TCERG1: variants seen among roughly 807,000 people sequenced by gnomAD.
TCERG1 encodes the protein TATA box binding protein (TBP)-associated factor, RNA polymerase II, S, 150kD.
TCERG1 carries 37 observed loss-of-function variants against 144.7 expected under a neutral mutation model. That is an observed-to-expected ratio of 0.26 (90% confidence interval 0.20 to 0.34). The LOEUF (loss-of-function observed/expected upper bound fraction) is 0.34. Ranked by LOEUF, TCERG1 falls within the 10% of genes least tolerant of loss-of-function variation. TCERG1 has a pLI of 1.00. For missense variants in TCERG1, 1,027 were observed against 1,380.7 expected (o/e 0.74, Z 4.06); for synonymous variants, 492 against 458.2 (o/e 1.07, Z -0.94).
chr5:146,495,498 T>C (rs541595376), intron 16 of TCERG1, among the ~76,000 whole-genome samples: 9 of 152,382 alleles, frequency 5.9e-5, no homozygotes, highest in African/African-American at 1.7e-4. Flanking sequence ...ATTATTGTTA[T>C]GTATCTGTTG....
intron 16 of TCERG1, among the ~76,000 whole-genome samples, chr5:146,496,321 A>G (rs1224157135): frequency 6.6e-6 from 1 of 151,960 alleles, no homozygotes; most frequent in Non-Finnish European, 1.5e-5. Context: ...TTTGGCTAGT[A>G]TTTTTTCTGC....
intron 15 of TCERG1, among the ~76,000 whole-genome samples, chr5:146,492,310 A>G (rs1206607947): frequency 1.3e-5 from 2 of 152,094 alleles, no homozygotes. Flanking sequence ...TATCTGTCAC[A>G]TCCTTTTCCA....
intron 10 of TCERG1, among the ~76,000 whole-genome samples, chr5:146,479,263 G>C (rs1364802262): frequency 2.6e-5 from 4 of 151,894 alleles, no homozygotes; most frequent in Non-Finnish European, 4.4e-5. Flanking sequence ...GCCCGCAAGT[G>C]GTATAGAAGC....
intron 9 of TCERG1, 50 bp downstream of exon 9, chr5:146,471,626 T>C: frequency 1.3e-6 from 2 of 1,490,206 alleles, no homozygotes; most frequent in Non-Finnish European, 1.8e-6. Context: ...TGAGACGGAG[T>C]CTCACTCTGT....
rs1434469638 is a variant in TCERG1 at position 146,506,983 on chromosome 5, C to T, written c.2782-45C>T. 3 of 1,460,966 alleles carry T rather than the reference C, an allele frequency of 2.1e-6. No homozygotes were observed. The African/African-American group carries it at 4.3e-5, about 21-fold the overall frequency. The allele number at this position is 1,460,966 out of a possible 1,614,324, so 90.5% of individuals were successfully genotyped here. ...GGACATGGAAGTGCAAATGGACATTCAGATAAGTCTCTTTGGTGATATATA... is the reference window on the plus strand; with the variant it reads ...GGACATGGAAGTGCAAATGGACATTTAGATAAGTCTCTTTGGTGATATATA... On this transcript the variant is annotated intron_variant, in intron 19 of 22. Transcript: ENST00000679501.
At chr5:146,457,092 C>A in intron 2 of TCERG1, 91 bp from the exon 3 acceptor site, 1 of 1,505,466 alleles carries the variant, frequency 6.6e-7, no homozygotes, top group Admixed American at 2.0e-5. Flanking sequence ...AAACTAGTTT[C>A]TCTTACAGTG....
intron 13 of TCERG1, chr5:146,481,596 T>A (rs535717368): frequency 1.3e-5 from 2 of 152,296 alleles, no homozygotes; most frequent in South Asian, 4.1e-4. Context: ...TACAGTTTCC[T>A]GTATAGCATG....
intron 16 of TCERG1, among the ~76,000 whole-genome samples, chr5:146,496,805 T>C (rs1325719955): frequency 6.6e-6 from 1 of 151,482 alleles, no homozygotes; most frequent in Non-Finnish European, 1.5e-5. Flanking sequence ...GCTGAGAATA[T>C]ATGCGTGTGC....
rs915277096 is a variant in TCERG1 at position 146,480,085 on chromosome 5, A to G, written c.1877A>G (p.Lys626Arg). The change falls in exon 12 of 23, where the codon AAA (lysine) becomes AGA (arginine). Residue 626 changes from lysine to arginine, a missense_variant. Coordinates refer to ENST00000679501, the MANE Select transcript of TCERG1 (RefSeq NM_001382548.1). The stretch of plus-strand genomic sequence containing the variant: ...AATGAAGATGAGCCTGTTAAAGCAA[A>G]AAAACGGAAGTAAGTAATACATACG... Reference protein sequence around the residue: ...EINEDEPVKAKKRKRMSKKSF... With the variant: ...EINEDEPVKARKRKRMSKKSF... 1.3e-6 allele frequency: 2 copies of G among 1,596,314 alleles called. No individual in the cohort carries two copies. The highest frequency in any genetic ancestry group is 2.7e-5 in the African/African-American group (2 of 73,872).
chr5:146,474,615 A>T (rs931346929), intron 9 of TCERG1, among the ~76,000 whole-genome samples: 2 of 152,150 alleles, frequency 1.3e-5, no homozygotes, highest in African/African-American at 4.8e-5. Flanking sequence ...GTCAATTGAT[A>T]TAGAAAACTT....
chr5:146,482,421 T>G, intron 13 of TCERG1, 171 bp from the exon 14 acceptor site: 1 of 478,864 alleles, frequency 2.1e-6, no homozygotes, highest in Non-Finnish European at 3.6e-6. Context: ...TTTGTTATTA[T>G]GAAAGTTATT....
At chr5:146,495,503 CTG>C (rs1481988018) in intron 16 of TCERG1, among the ~76,000 whole-genome samples, 3 of 152,130 alleles carry the variant, frequency 2.0e-5, no homozygotes, top group East Asian at 1.9e-4. Flanking sequence ...TGTTATGTAT[CTG>C]TTGTTCAAAC....
At chr5:146,510,318 T>TAAA (rs546570760) in intron 22 of TCERG1, 123 bp from the exon 23 acceptor site, 615 of 549,878 alleles carry the variant, frequency 1.1e-3, no homozygotes, top group Middle Eastern at 2.1e-3. Context: ...AAATTTTTCT[T>TAAA]AAAAAAAAAA....
At chr5:146,502,459 A>G (rs369121221) in intron 17 of TCERG1, among the ~76,000 whole-genome samples, 7 of 152,280 alleles carry the variant, frequency 4.6e-5, no homozygotes, top group African/African-American at 1.7e-4. Flanking sequence ...TTTTAAAACA[A>G]TTAGGCCCTC....
Position 146,479,869 on chromosome 5 carries a change from A to G in TCERG1, c.1777A>G (p.Thr593Ala), listed in dbSNP as rs1378159728. The G allele has an allele frequency of 6.2e-7, 1 of 1,613,572 alleles. No individual in the cohort carries two copies. The highest frequency in any genetic ancestry group is 1.1e-5 in the South Asian group (1 of 91,048). Residue 593 changes from threonine to alanine, a missense_variant, in exon 11 of 23, where the codon ACA (threonine) becomes GCA (alanine). By Grantham distance (58) the Thr-to-Ala change is moderately conservative (BLOSUM62 0). This residue lies in a region of TCERG1 where 482 missense variants were observed against 632.6 expected (regional missense o/e 0.76). Transcript: ENST00000679501. Reference protein sequence around the residue: ...ELKKLRHPTPTMLSIQKWQFS... With the variant: ...ELKKLRHPTPAMLSIQKWQFS... ...GTTTTTGCCAGGGCACCCAACTCCG[A>G]CAATGCTGTCGATCCAAAAGTGGCA...
chr5:146,456,907 C>A (rs1762876833), intron 2 of TCERG1, among the ~76,000 whole-genome samples: 2 of 152,130 alleles, frequency 1.3e-5, no homozygotes, highest in African/African-American at 4.8e-5. Context: ...TAATCCAGCG[C>A]CCTGTGTGTG....
intron 5 of TCERG1, among the ~76,000 whole-genome samples, chr5:146,467,032 A>C (rs1039432574): frequency 3.9e-5 from 6 of 152,196 alleles, no homozygotes; most frequent in Admixed American, 3.9e-4. Context: ...CTTTCTTTCA[A>C]CATTAGGGAA....
At chr5:146,450,786 T>C (rs1465858903) in intron 1 of TCERG1, among the ~76,000 whole-genome samples, 1 of 152,224 alleles carries the variant, frequency 6.6e-6, no homozygotes, top group Non-Finnish European at 1.5e-5. Flanking sequence ...CCATAACAAA[T>C]TAATAATGAA....
In TCERG1 at chr5:146,483,588, G is replaced by A; in HGVS notation, c.2122G>A (p.Asp708Asn). 6.2e-7 allele frequency: 1 copy of A among 1,612,632 alleles called. No individual in the cohort carries two copies. The highest frequency in any genetic ancestry group is 8.5e-7 in the Non-Finnish European group (1 of 1,179,182). The part of the protein sequence containing the change: ...WEKELHKIVF[D>N]PRYLLLNPKE... ...GAAGGAGTTGCACAAGATAGTTTTT[G>A]ATCCCCGGTACTTACTTCTCAATCC... Residue 708 changes from aspartate to asparagine, a missense_variant, in exon 15 of 23, where the codon GAT (aspartate) becomes AAT (asparagine). Around this residue, in one of 6 missense-constraint regions of TCERG1, gnomAD observed 482 missense variants for 632.6 expected, o/e 0.76. Transcript: ENST00000679501.
Sources: gnomAD v4.1 joint callset for allele counts (sites outside exome capture counted in the v4.1 genomes callset) on GRCh38, gnomAD v4.1.1 for gene constraint, gnomAD v4.1.1 regional missense constraint, MANE v1.5 for transcripts, NCBI Gene and HGNC (gene_info 2026-07-23, HGNC 2026-07-21) for gene names.